The following ZNF99 variants were observed in gnomAD, a reference collection of about 807,000 sequenced individuals.
The protein encoded by ZNF99 is zinc finger protein ENSP00000375192.
ZNF99 carries 8 observed loss-of-function variants against 12.8 expected under a neutral mutation model. The observed-to-expected ratio is 0.62, with a 90% CI of 0.37 to 1.13. The LOEUF (loss-of-function observed/expected upper bound fraction) is 1.13. Ranked by LOEUF, ZNF99 falls within the 50% of genes most tolerant of loss-of-function variation. ZNF99 has a pLI of 0.02. For missense variants in ZNF99, 1,007 were observed against 1,006.2 expected, an observed-to-expected ratio of 1.00 and a Z score of -0.01; for synonymous variants, 318 against 319.0, an observed-to-expected ratio of 1.00 and a Z score of 0.03.
chr19:22,759,962 A>G (rs1973132244), intron 3 of ZNF99, among the ~76,000 whole-genome samples: 1 of 152,138 alleles, frequency 6.6e-6, no homozygotes, highest in Admixed American at 6.5e-5. Context: ...CAGTTTCCCA[A>G]CTCAGCTCTT....
In ZNF99 at chr19:22,776,422, T is replaced by G. The variant is rs1298067719; in HGVS notation, c.4-7098A>C. On this transcript the variant is annotated intron_variant, in intron 1 of 3. Transcript: ENST00000596209. ...TTCCAAAATAAGATATATATATATA[T>G]ATATATATATATATATATATATATA... 6.2e-4 allele frequency among the ~76,000 whole-genome samples: 12 copies of G among 19,298 alleles called. 1 individual carries two copies. The highest frequency in any genetic ancestry group is 3.3e-3 in the African/African-American group (10 of 3,022). The allele number at this position is 19,298 out of a possible 152,430, so 12.7% of individuals were successfully genotyped here. A position where few individuals can be genotyped will look rare whatever the true frequency, so the allele number is the denominator to read the frequency against.
At position 22,754,877 on chromosome 19, in the gene ZNF99, T is replaced by A. The variant is rs1022101999; in HGVS notation, c.*2437A>T. The A allele has an allele frequency of 2.8e-5, 5 of 178,376 alleles. No individual in the cohort carries two copies. The East Asian group carries it at 8.3e-4, about 29-fold the overall frequency. 11.0% of individuals were successfully genotyped at this position (178,376 alleles called of 1,614,324 possible). On this transcript the variant is annotated 3_prime_UTR_variant, in exon 4 of 4. Coordinates refer to ENST00000596209, the MANE Select transcript of ZNF99 (RefSeq NM_001080409.3). ...CAGAGGTCGGGAGTTCGAGACCAGC[T>A]TGACCAACATGGAGAAACCCCGTCT...
At chr19:22,761,737 G>T (rs1200967359) in intron 3 of ZNF99, among the ~76,000 whole-genome samples, 2 of 152,064 alleles carry the variant, frequency 1.3e-5, no homozygotes, top group Non-Finnish European at 2.9e-5. Flanking sequence ...CGTATGATAA[G>T]CCACAAAATG....
Position 22,756,270 on chromosome 19 carries a change from T to C in ZNF99, c.*1044A>G, listed in dbSNP as rs1717767757. ...AGGGCTGAAAGATGGTTAAAAGCTT[T>C]GCCACATTCTTCACATTTGTAGGTT... On this transcript the variant is annotated 3_prime_UTR_variant, in exon 4 of 4. Coordinates refer to ENST00000596209, the MANE Select transcript of ZNF99 (RefSeq NM_001080409.3). 3.2e-6 allele frequency: 5 copies of C among 1,568,222 alleles called. No homozygotes were observed. Among genetic ancestry groups the C allele is most frequent in the Non-Finnish European group, 3.5e-6 (4 of 1,156,004 alleles).
chr19:22,754,366 C>CAAAAA lies in ZNF99; in HGVS notation c.*2943_*2947dup. On this transcript the variant is annotated 3_prime_UTR_variant, in exon 4 of 4. Transcript: ENST00000596209. The stretch of plus-strand genomic sequence containing the variant: ...TGGGCGACAGAGTGAGACTCCATTT[C>CAAAAA]AAAAAAAAAAAAAAAACTTTGCCAC... The CAAAAA allele has an allele frequency of 3.1e-6, 1 of 317,636 alleles. No individual in the cohort carries two copies. Among genetic ancestry groups the CAAAAA allele is most frequent in the Non-Finnish European group, 6.0e-6 (1 of 166,662 alleles). 19.7% of individuals were successfully genotyped at this position (317,636 alleles called of 1,614,324 possible). A position where few individuals can be genotyped will look rare whatever the true frequency, so the allele number is the denominator to read the frequency against.
At position 22,753,940 on chromosome 19, in the gene ZNF99, G is replaced by A. The variant is rs1489308715; in HGVS notation, c.*3374C>T. ...GGCTTTGTGACATGACTCACATCTA[G>A]GGCTTCTTGACACTATGATTTCTTT... On this transcript the variant is annotated 3_prime_UTR_variant, in exon 4 of 4. Transcript: ENST00000596209. 4 of 433,638 alleles carry A rather than the reference G, an allele frequency of 9.2e-6. No homozygotes were observed. Among genetic ancestry groups the A allele is most frequent in the Non-Finnish European group, 1.9e-5 (4 of 214,412 alleles). 26.9% of individuals were successfully genotyped at this position (433,638 alleles called of 1,614,324 possible).
At position 22,757,460 on chromosome 19, in the gene ZNF99, A is replaced by C; in HGVS notation, c.2449T>G (p.Tyr817Asp). 5 of 1,610,456 alleles carry C rather than the reference A, an allele frequency of 3.1e-6. No individual in the cohort carries two copies. Among genetic ancestry groups the C allele is most frequent in the Non-Finnish European group, 4.2e-6 (5 of 1,179,548 alleles). The change falls in exon 4 of 4, where the codon TAC (tyrosine) becomes GAC (aspartate). Residue 817 changes from tyrosine (Y) to aspartate (D), a missense_variant. Tyr to Asp is a radical substitution (Grantham distance 160). Transcript: ENST00000596209. ...HEIIHTGEKS[Y>D]KCEECGKAFQ... is the part of the protein sequence containing the mutation. The stretch of plus-strand genomic sequence containing the variant: ...GCTTTACCACATTCTTCACATTTGT[A>C]GGATTTCTCTCCAGTATGAATTATC...
rs145644603 is a variant in ZNF99 at position 22,772,912 on chromosome 19, T to C, written c.4-3588A>G. On this transcript the variant is annotated intron_variant, in intron 1 of 3. Transcript: ENST00000596209. ...TTTAACAAGAGGAAGAAAAAGGAAG[T>C]AGAGATTCCCATGTGTACATGTCTA... Among the ~76,000 whole-genome samples the C allele has an allele frequency of 7.5e-3, 1,139 of 152,176 alleles. 10 individuals carry two copies. The highest frequency in any genetic ancestry group is 0.026 in the African/African-American group (1,091 of 41,520).
Position 22,753,952 on chromosome 19 carries a change from A to G in ZNF99, c.*3362T>C, listed in dbSNP as rs1568380465. 1 of 446,976 alleles carries G rather than the reference A, an allele frequency of 2.2e-6. No individual in the cohort carries two copies. Among genetic ancestry groups the G allele is most frequent in the African/African-American group, 2.0e-5 (1 of 49,718 alleles). The allele number at this position is 446,976 out of a possible 1,614,324, so 27.7% of individuals were successfully genotyped here. ...TGACTCACATCTAGGGCTTCTTGAC[A>G]CTATGATTTCTTTTATGTTTAGAAA... is the stretch of plus-strand genomic sequence containing the variant. On this transcript the variant is annotated 3_prime_UTR_variant, in exon 4 of 4. Transcript: ENST00000596209.
intron 1 of ZNF99, among the ~76,000 whole-genome samples, chr19:22,781,639 C>T (rs1272572012): frequency 2.0e-5 from 3 of 151,994 alleles, no homozygotes; most frequent in African/African-American, 7.3e-5. Flanking sequence ...ATCTTAATGT[C>T]TCAAGGGTTA....
chr19:22,765,889 C>A (rs1321494965), intron 3 of ZNF99, among the ~76,000 whole-genome samples: 5 of 151,956 alleles, frequency 3.3e-5, no homozygotes, highest in Non-Finnish European at 7.4e-5. Flanking sequence ...CATCAAAAAA[C>A]CGTATATGAA....
rs1193586920 is a variant in ZNF99, at chr19:22,768,388, G to A, written c.143C>T (p.Ser48Phe). 1.9e-6 allele frequency: 3 copies of A among 1,611,948 alleles called. No homozygotes were observed. The highest frequency in any genetic ancestry group is 2.2e-5 in the South Asian group (2 of 90,360). Residue 48 changes from serine to phenylalanine, a missense_variant, in exon 3 of 4, where the codon TCT becomes TTT. By Grantham distance (155) the Ser-to-Phe change is radical (BLOSUM62 -2). Coordinates refer to ENST00000596209, the MANE Select transcript of ZNF99 (RefSeq NM_001080409.3). ...CAGACAAGTTATCAAGTCTAGCTTAGAGACAGCGATACCTGTTTTATTAAA... is the reference window on the plus strand; with the variant it reads ...CAGACAAGTTATCAAGTCTAGCTTAAAGACAGCGATACCTGTTTTATTAAA... The part of the protein sequence containing the change: ...RNLVFLGIAV[S>F]KLDLITCLKQ...
In ZNF99 at chr19:22,757,487, CAT is replaced by C; in HGVS notation, c.2420_2421del (p.His807ArgfsTer13). On this transcript the variant is annotated frameshift_variant, in exon 4 of 4. Coordinates refer to ENST00000596209, the MANE Select transcript of ZNF99 (RefSeq NM_001080409.3). LOFTEE classifies it low-confidence loss of function (END_TRUNC). ...GATTTCTCTCCAGTATGAATTATCT[CAT>C]GTTTTCTAAGGGTTGAGGAATTGTT... ...AFNNSSTLRK[H>X]EIIHTGEKSY... 6.3e-7 allele frequency: 1 copy of C among 1,596,544 alleles called. No individual in the cohort carries two copies. Among genetic ancestry groups the C allele is most frequent in the Non-Finnish European group, 8.5e-7 (1 of 1,174,384 alleles).
intron 1 of ZNF99, chr19:22,770,852 C>G (rs1451811058): frequency 6.6e-6 from 1 of 152,138 alleles, no homozygotes; most frequent in African/African-American, 2.4e-5. Flanking sequence ...ACAGATAACT[C>G]CCATTTTTTG....
intron 1 of ZNF99, chr19:22,769,766 A>C: frequency 9.6e-7 from 1 of 1,045,020 alleles, no homozygotes; most frequent in African/African-American, 1.7e-5. Context: ...GTCTCAAAAA[A>C]AAAAAAATAA....
In ZNF99 at chr19:22,753,510, C is replaced by T. The variant is rs1439506244; in HGVS notation, c.*3804G>A. 6.6e-6 allele frequency: 1 copy of T among 152,020 alleles called. No individual in the cohort carries two copies. The highest frequency in any genetic ancestry group is 2.4e-5 in the African/African-American group (1 of 41,392). The allele number at this position is 152,020 out of a possible 1,614,324, so 9.4% of individuals were successfully genotyped here. A position where few individuals can be genotyped will look rare whatever the true frequency, so the allele number is the denominator to read the frequency against. ...TTTGCAGGTTTTTTTCTCTATTATA[C>T]ATTCCCTGATATTGAACAAAGTTTG... is the stretch of plus-strand genomic sequence containing the variant. On this transcript the variant is annotated 3_prime_UTR_variant, in exon 4 of 4. Transcript: ENST00000596209.
intron 3 of ZNF99, among the ~76,000 whole-genome samples, chr19:22,763,768 G>A (rs1973174527): frequency 6.6e-6 from 1 of 151,924 alleles, no homozygotes; most frequent in Admixed American, 6.6e-5. Flanking sequence ...CATGGTACTG[G>A]TATAAAAATA....
intron 1 of ZNF99, among the ~76,000 whole-genome samples, chr19:22,774,963 A>G (rs1973310158): frequency 6.6e-6 from 1 of 152,234 alleles, no homozygotes; most frequent in African/African-American, 2.4e-5. Context: ...GAAAAGATCA[A>G]AATCATTAAA....
At chr19:22,771,535 G>A (rs143306070) in intron 1 of ZNF99, among the ~76,000 whole-genome samples, 132 of 151,788 alleles carry the variant, frequency 8.7e-4, no homozygotes, top group Middle Eastern at 3.4e-3. Flanking sequence ...GATTACAGGC[G>A]TGAGCCACCG....
Sources: gnomAD v4.1 joint callset for allele counts (sites outside exome capture counted in the v4.1 genomes callset) on GRCh38, gnomAD v4.1.1 for gene constraint, MANE v1.5 for transcripts, NCBI Gene and HGNC (gene_info 2026-07-23, HGNC 2026-07-21) for gene names.